Variants in SCGB2B2 observed in about 807,000 individuals in gnomAD.
SCGB2B2 encodes secretoglobin family 2B member 2.
A neutral mutation model predicts 7.6 loss-of-function variants in SCGB2B2; 11 were observed. That is an observed-to-expected ratio of 1.45 (90% CI 0.91 to 2.40). The LOEUF (loss-of-function observed/expected upper bound fraction) is 2.40. SCGB2B2 is among the 30% of genes most tolerant of loss of function. The pLI, the probability that SCGB2B2 is intolerant of heterozygous loss-of-function variation, is 0.00. For missense variants in SCGB2B2, 104 were observed against 115.4 expected (o/e 0.90, Z 0.45); for synonymous variants, 50 against 48.6 (o/e 1.03, Z -0.12).
chr19:34,668,235 C>T (rs1031353395), intron 1 of SCGB2B2, among the ~76,000 whole-genome samples: 4 of 152,140 alleles, frequency 2.6e-5, no homozygotes, highest in Non-Finnish European at 5.9e-5. Flanking sequence ...GTGGCGCTTG[C>T]GAGCCAGCTG....
intron 1 of SCGB2B2, among the ~76,000 whole-genome samples, chr19:34,634,554 A>AG (rs66995452): frequency 0.84 from 128,009 of 152,134 alleles, 54,624 homozygotes; most frequent in Middle Eastern, 0.91. Context: ...TACTACACAA[A>AG]GCTACTTTCA....
chr19:34,639,215 C>A (rs1193693399), intron 1 of SCGB2B2, among the ~76,000 whole-genome samples: 5 of 152,182 alleles, frequency 3.3e-5, no homozygotes, highest in Non-Finnish European at 7.3e-5. Flanking sequence ...TGGGTTAATG[C>A]CAAAAACTCA....
At chr19:34,663,606 G>A (rs112408758) in intron 1 of SCGB2B2, among the ~76,000 whole-genome samples, 2,669 of 152,314 alleles carry the variant, frequency 0.018, 41 homozygotes, top group South Asian at 0.07. Flanking sequence ...GGCTGGTGCC[G>A]GGAGGAGCTC....
intron 1 of SCGB2B2, among the ~76,000 whole-genome samples, chr19:34,609,904 C>G (rs1304069504): frequency 6.6e-6 from 1 of 152,042 alleles, no homozygotes; most frequent in Non-Finnish European, 1.5e-5. Flanking sequence ...CTGCAGATTG[C>G]TTTTGGTAAT....
chr19:34,655,679 T>C (rs1341354515), intron 1 of SCGB2B2, among the ~76,000 whole-genome samples: 2 of 151,354 alleles, frequency 1.3e-5, no homozygotes, highest in Middle Eastern at 3.2e-3. Flanking sequence ...TCTAAGTTGA[T>C]TGAGACCTCT....
chr19:34,625,206 G>A (rs573162622), intron 1 of SCGB2B2, among the ~76,000 whole-genome samples: 16 of 152,286 alleles, frequency 1.1e-4, no homozygotes, highest in African/African-American at 2.6e-4. Flanking sequence ...TGCAGAAGAC[G>A]GCTGATTTCT....
intron 1 of SCGB2B2, among the ~76,000 whole-genome samples, chr19:34,601,616 A>G (rs967239466): frequency 2.0e-5 from 3 of 152,238 alleles, no homozygotes; most frequent in Admixed American, 6.5e-5. Flanking sequence ...CTTCTCTTAA[A>G]GTGTACATTT....
chr19:34,632,259 A>C (rs2066554799), intron 1 of SCGB2B2, among the ~76,000 whole-genome samples: 1 of 152,220 alleles, frequency 6.6e-6, no homozygotes, highest in Non-Finnish European at 1.5e-5. Flanking sequence ...GAAAAATAAC[A>C]CATTCAACTT....
intron 1 of SCGB2B2, among the ~76,000 whole-genome samples, chr19:34,601,733 T>A (rs1051959280): frequency 7.9e-5 from 12 of 152,228 alleles, no homozygotes; most frequent in Non-Finnish European, 1.8e-4. Flanking sequence ...TCTAAGACTA[T>A]ATATAACTCT....
At chr19:34,586,737 T>C (rs2145700452), downstream of SCGB2B2, among the ~76,000 whole-genome samples, 1 of 152,310 alleles carries the variant, frequency 6.6e-6, no homozygotes, top group South Asian at 2.1e-4. Flanking sequence ...ACCACCACAA[T>C]AGAGATGCCA....
At chr19:34,664,644 G>T (rs1333327592) in intron 1 of SCGB2B2, among the ~76,000 whole-genome samples, 1 of 152,186 alleles carries the variant, frequency 6.6e-6, no homozygotes, top group Non-Finnish European at 1.5e-5. Flanking sequence ...GTTGTGCTGT[G>T]TTGTGTGCTG....
intron 1 of SCGB2B2, among the ~76,000 whole-genome samples, chr19:34,604,843 TTTA>T: frequency 6.6e-6 from 1 of 152,328 alleles, no homozygotes; most frequent in East Asian, 1.9e-4. Context: ...CTTGTATATT[TTTA>T]TTTTTATTAT....
At chr19:34,645,631 C>A (rs1430662351) in intron 1 of SCGB2B2, 4 of 323,934 alleles carry the variant, frequency 1.2e-5, no homozygotes, top group East Asian at 1.8e-4. Flanking sequence ...CAAGTCCCTG[C>A]CTCTGCCTGC....
At chr19:34,616,929 T>G (rs1818906393) in intron 1 of SCGB2B2, among the ~76,000 whole-genome samples, 1 of 152,218 alleles carries the variant, frequency 6.6e-6, no homozygotes, top group Non-Finnish European at 1.5e-5. Flanking sequence ...CCAGCACCAT[T>G]TATTAAACAG....
intron 1 of SCGB2B2, among the ~76,000 whole-genome samples, 160 bp from the exon 2 acceptor site, chr19:34,596,754 C>G (rs1034609171): frequency 6.6e-6 from 1 of 151,964 alleles, no homozygotes; most frequent in Non-Finnish European, 1.5e-5. Context: ...GTCCTGGGGA[C>G]AGAGGCTGGG....
chr19:34,641,357 C>T (rs1368901651), intron 1 of SCGB2B2, among the ~76,000 whole-genome samples: 1 of 152,204 alleles, frequency 6.6e-6, no homozygotes, highest in African/African-American at 2.4e-5. Flanking sequence ...ACTGATCTGA[C>T]ATCATGACTT....
chr19:34,621,828 A>G (rs1057291115), intron 1 of SCGB2B2, among the ~76,000 whole-genome samples: 1 of 152,020 alleles, frequency 6.6e-6, no homozygotes, highest in African/African-American at 2.4e-5. Context: ...TTTCTAGGGG[A>G]GTTTCTTTGA....
intron 1 of SCGB2B2, among the ~76,000 whole-genome samples, chr19:34,674,981 T>G (rs1353799828): frequency 2.6e-5 from 4 of 152,206 alleles, no homozygotes; most frequent in Non-Finnish European, 5.9e-5. Context: ...AAAAAGGTCA[T>G]CATTCCAAAA....
chr19:34,589,425 C>G (rs553884843), downstream of SCGB2B2, among the ~76,000 whole-genome samples: 1 of 152,134 alleles, frequency 6.6e-6, no homozygotes, highest in Non-Finnish European at 1.5e-5. Context: ...GCCCCTGGAC[C>G]TGAGTGACAG....
Sources: gnomAD v4.1 joint callset for allele counts (sites outside exome capture counted in the v4.1 genomes callset) on GRCh38, gnomAD v4.1.1 for gene constraint, MANE v1.5 for transcripts, NCBI Gene and HGNC (gene_info 2026-07-23, HGNC 2026-07-21) for gene names.